The following RNF24 variants were observed in gnomAD, a reference collection of about 807,000 sequenced individuals.
RNF24 encodes the protein ring finger protein 24.
Under a neutral mutation model 20.0 loss-of-function variants are expected in RNF24, and 14 were observed. The ratio of observed to expected loss-of-function variants is 0.70; its 90% CI spans 0.46 to 1.10. The LOEUF (loss-of-function observed/expected upper bound fraction) is 1.10. Among genes scored for constraint, RNF24 ranks in the 50% least tolerant of loss-of-function variants. The pLI is 0.00. For synonymous variants in RNF24, 45 were observed against 61.1 expected (o/e 0.74, Z 1.23); for missense variants, 124 against 177.6 (o/e 0.70, Z 1.71).
At chr20:3,938,191 G>A (rs1473808563) in intron 4 of RNF24, among the ~76,000 whole-genome samples, 1 of 152,120 alleles carries the variant, frequency 6.6e-6, no homozygotes, top group Non-Finnish European at 1.5e-5. Flanking sequence ...TAATGATGCC[G>A]TGCTTATTGA....
At position 3,932,772 on chromosome 20, in the gene RNF24, C is replaced by T; in HGVS notation, c.*1291G>A. 1 of 397,460 alleles carries T rather than the reference C, an allele frequency of 2.5e-6. No individual in the cohort carries two copies. Among genetic ancestry groups the T allele is most frequent in the East Asian group, 3.6e-5 (1 of 28,072 alleles). 24.6% of individuals were successfully genotyped at this position (397,460 alleles called of 1,614,324 possible). On this transcript the variant is annotated 3_prime_UTR_variant, in exon 6 of 6. Coordinates refer to ENST00000358395, the MANE Select transcript of RNF24 (RefSeq NM_001134337.3). ...AGCAGGGCTGTGGAAAAGAATTTTC[C>T]ATCTGACCTGCTACTTTCCATAGCT...
In RNF24 at chr20:3,930,657, A is replaced by G. The variant is rs2146928059; in HGVS notation, c.*3406T>C. 6.6e-6 allele frequency: 1 copy of G among 152,406 alleles called. No homozygotes were observed. Among genetic ancestry groups the G allele is most frequent in the Non-Finnish European group, 1.5e-5 (1 of 68,094 alleles). 9.4% of individuals were successfully genotyped at this position (152,406 alleles called of 1,614,324 possible). On this transcript the variant is annotated 3_prime_UTR_variant, in exon 6 of 6. Transcript: ENST00000358395. Reference sequence around the variant, plus strand: ...CTGGATGTATCAGGATGTATTTCATAATGCCCAAAAAGCCTCTGAGAAAAA... The same window carrying G: ...CTGGATGTATCAGGATGTATTTCATGATGCCCAAAAAGCCTCTGAGAAAAA...
intron 1 of RNF24, among the ~76,000 whole-genome samples, chr20:3,964,258 G>T (rs895358232): frequency 6.6e-6 from 1 of 152,052 alleles, no homozygotes; most frequent in Non-Finnish European, 1.5e-5. Flanking sequence ...TTTGCAAGTT[G>T]CATTTATTCA....
At chr20:3,989,122 G>A (rs919030943) in intron 1 of RNF24, among the ~76,000 whole-genome samples, 1 of 152,102 alleles carries the variant, frequency 6.6e-6, no homozygotes, top group Non-Finnish European at 1.5e-5. Context: ...TTTCTGAGAG[G>A]ACAAGAGTGG....
chr20:3,944,831 A>C (rs778224763), intron 4 of RNF24, among the ~76,000 whole-genome samples: 7 of 152,192 alleles, frequency 4.6e-5, no homozygotes, highest in Non-Finnish European at 8.8e-5. Context: ...CATTGGTAAG[A>C]AAGAAATATT....
chr20:3,995,618 C>T (rs563215260), intron 1 of RNF24, among the ~76,000 whole-genome samples: 1 of 152,298 alleles, frequency 6.6e-6, no homozygotes, highest in South Asian at 2.1e-4. Context: ...TAGTTTGACA[C>T]TGGTGATAAT....
At chr20:4,001,992 C>T (rs1373636011) in intron 1 of RNF24, among the ~76,000 whole-genome samples, 2 of 151,832 alleles carry the variant, frequency 1.3e-5, no homozygotes, top group Non-Finnish European at 2.9e-5. Flanking sequence ...GTGGCTGACA[C>T]CCATAATCCC....
chr20:3,971,412 A>G (rs763557132), intron 1 of RNF24, among the ~76,000 whole-genome samples: 2 of 152,224 alleles, frequency 1.3e-5, no homozygotes, highest in Non-Finnish European at 2.9e-5. Context: ...AAGAAAAGGA[A>G]CCTTGGAACA....
At chr20:3,998,613 GGGCGTGGT>G (rs1568663417) in intron 1 of RNF24, among the ~76,000 whole-genome samples, 1 of 145,446 alleles carries the variant, frequency 6.9e-6, no homozygotes, top group African/African-American at 2.5e-5. Flanking sequence ...AAAATTAGCC[GGGCGTGGT>G]GGCGTGTGCC....
At position 3,930,400 on chromosome 20, in the gene RNF24, A is replaced by C. The variant is rs2090805827; in HGVS notation, c.*3663T>G. 1 of 152,210 alleles carries C rather than the reference A, an allele frequency of 6.6e-6. No homozygotes were observed. The highest frequency in any genetic ancestry group is 2.4e-5 in the African/African-American group (1 of 41,440). 9.4% of individuals were successfully genotyped at this position (152,210 alleles called of 1,614,324 possible). A position where few individuals can be genotyped will look rare whatever the true frequency, so the allele number is the denominator to read the frequency against. ...GATGGCAGAGGAGCCCATGTAACCC[A>C]GATGATGTTATGTGGTATCAGCAGC... On this transcript the variant is annotated 3_prime_UTR_variant, in exon 6 of 6. Coordinates refer to ENST00000358395, the MANE Select transcript of RNF24 (RefSeq NM_001134337.3).
intron 1 of RNF24, chr20:3,974,256 CA>C: frequency 6.8e-7 from 1 of 1,479,028 alleles, no homozygotes; most frequent in Non-Finnish European, 9.1e-7. Flanking sequence ...AACAAACCGG[CA>C]AAAACCAACC....
intron 3 of RNF24, among the ~76,000 whole-genome samples, chr20:3,946,025 A>C (rs2091012305): frequency 6.6e-6 from 1 of 152,148 alleles, no homozygotes; most frequent in South Asian, 2.1e-4. Context: ...GGATATACTA[A>C]ATTTCCTATC....
intron 1 of RNF24, among the ~76,000 whole-genome samples, chr20:3,978,088 G>C (rs1037958996): frequency 5.4e-5 from 6 of 110,332 alleles, no homozygotes; most frequent in African/African-American, 1.9e-4. Flanking sequence ...TTTTTTTTTT[G>C]AGATGGAGTC....
intron 1 of RNF24, among the ~76,000 whole-genome samples, chr20:3,967,068 A>G (rs1445607967): frequency 6.6e-6 from 1 of 152,226 alleles, no homozygotes; most frequent in African/African-American, 2.4e-5. Context: ...TTGGCCCAAC[A>G]ATTTTAAGTA....
At chr20:3,991,484 C>A (rs567640350) in intron 1 of RNF24, among the ~76,000 whole-genome samples, 3 of 152,112 alleles carry the variant, frequency 2.0e-5, no homozygotes. Flanking sequence ...GATCTCCTAA[C>A]CTCATGATCC....
chr20:4,001,703 A>C (rs1981402405), intron 1 of RNF24, among the ~76,000 whole-genome samples: 1 of 152,188 alleles, frequency 6.6e-6, no homozygotes, highest in African/African-American at 2.4e-5. Context: ...TGGCAGGCCA[A>C]GGTGGAAGGA....
chr20:3,967,973 C>CAAAAAAA (rs58984163), intron 1 of RNF24, among the ~76,000 whole-genome samples: 147 of 77,082 alleles, frequency 1.9e-3, no homozygotes, highest in Non-Finnish European at 2.5e-3. Flanking sequence ...AGCCTGGCAA[C>CAAAAAAA]AAAAAAAAAA....
At chr20:3,943,654 C>G (rs1338884772) in intron 4 of RNF24, among the ~76,000 whole-genome samples, 1 of 152,058 alleles carries the variant, frequency 6.6e-6, no homozygotes, top group East Asian at 1.9e-4. Context: ...ATACAAATGA[C>G]CAGCGAAACA....
chr20:3,966,469 A>AGTGTGTGTATGTGTGTGTGT (rs375656891), intron 1 of RNF24, among the ~76,000 whole-genome samples: 16 of 129,232 alleles, frequency 1.2e-4, no homozygotes, highest in African/African-American at 4.6e-4. Context: ...TTAAGGCTTT[A>AGTGTGTGTATGTGTGTGTGT]GTGTGTGTGT....
Sources: gnomAD v4.1 joint callset for allele counts (sites outside exome capture counted in the v4.1 genomes callset) on GRCh38, gnomAD v4.1.1 for gene constraint, MANE v1.5 for transcripts, NCBI Gene and HGNC (gene_info 2026-07-23, HGNC 2026-07-21) for gene names.